CFAP97D2: variants seen among roughly 807,000 people sequenced by gnomAD.
CFAP97D2 encodes uncharacterized protein CFAP97D2.
chr13:114,215,540 C>G (rs1279182980), intron 4 of CFAP97D2: 1 of 152,122 alleles, frequency 6.6e-6, no homozygotes, highest in African/African-American at 2.4e-5. Context: ...TCTTGATTAC[C>G]TTTCAGTTTT....
In CFAP97D2 at chr13:114,203,391, C is replaced by T. The variant is rs1038133895; in HGVS notation, c.290+2948C>T. ...AATTTATACTCCAAAAACTACAAAC[C>T]GTCATCCACAAAAATTGAAGATCTA... On this transcript the variant is annotated intron_variant, in intron 3 of 4. Transcript: ENST00000646158. The surrounding 1 kb of genome is among the most constrained non-coding windows in gnomAD (Gnocchi z 4.3). Among the ~76,000 whole-genome samples, 3 of 152,108 alleles carry T rather than the reference C, an allele frequency of 2.0e-5. No homozygotes were observed. Among genetic ancestry groups the T allele is most frequent in the Admixed American group, 6.6e-5 (1 of 15,266 alleles).
At position 114,207,226 on chromosome 13, in the gene CFAP97D2, G is replaced by T. The variant is rs988861930; in HGVS notation, c.291-4686G>T. ...GTCCTCAGGGCTCGCAAACCAGAAA[G>T]TATCTAGACAGGTCTCAAACAATCT... is the stretch of plus-strand genomic sequence containing the variant. On this transcript the variant is annotated intron_variant, in intron 3 of 4. Transcript: ENST00000646158. This position sits in a 1 kb window ranked among gnomAD's most constrained non-coding sequence, Gnocchi z 4.9. 6.6e-6 allele frequency among the ~76,000 whole-genome samples: 1 copy of T among 152,204 alleles called. No individual in the cohort carries two copies. The highest frequency in any genetic ancestry group is 2.1e-4 in the South Asian group (1 of 4,822).
At chr13:114,214,221 C>T (rs1157877060) in intron 4 of CFAP97D2, 6 of 152,094 alleles carry the variant, frequency 3.9e-5, no homozygotes, top group East Asian at 1.9e-4. Flanking sequence ...GGTACAACAT[C>T]GTAAGCCCAG....
intron 2 of CFAP97D2, among the ~76,000 whole-genome samples, chr13:114,196,771 G>T (rs1333572186): frequency 6.6e-6 from 1 of 152,180 alleles, no homozygotes; most frequent in African/African-American, 2.4e-5. Flanking sequence ...CACAGCCCCA[G>T]GAAGTCCTTG....
intron 3 of CFAP97D2, 30 bp downstream of exon 3, chr13:114,200,473 G>A (rs780992721): frequency 3.1e-4 from 122 of 398,476 alleles, no homozygotes; most frequent in Non-Finnish European, 4.6e-4. Flanking sequence ...CATCCCACCC[G>A]GCTCAGCACC....
At chr13:114,210,815 G>A (rs1169712603) in intron 3 of CFAP97D2, among the ~76,000 whole-genome samples, 3 of 150,292 alleles carry the variant, frequency 2.0e-5, no homozygotes, top group Non-Finnish European at 4.4e-5. Flanking sequence ...TCCCTCTCAG[G>A]TCACTCCCAG....
chr13:114,200,867 C>A (rs573537527), intron 3 of CFAP97D2, among the ~76,000 whole-genome samples: 5 of 152,342 alleles, frequency 3.3e-5, no homozygotes, highest in African/African-American at 1.2e-4. Context: ...TGTACCCCAG[C>A]CCTGCTCATG....
At chr13:114,212,485 T>C (rs1594521660) in intron 4 of CFAP97D2, among the ~76,000 whole-genome samples, 1 of 151,262 alleles carries the variant, frequency 6.6e-6, no homozygotes, top group Admixed American at 6.6e-5. Flanking sequence ...GAGGCTGAGG[T>C]AGGAGCATCG....
At chr13:114,193,082 A>G (rs939538329) in intron 1 of CFAP97D2, among the ~76,000 whole-genome samples, 2 of 152,236 alleles carry the variant, frequency 1.3e-5, no homozygotes, top group African/African-American at 4.8e-5. Flanking sequence ...ATCTCTTACA[A>G]TTTCTAAATT....
intron 3 of CFAP97D2, among the ~76,000 whole-genome samples, chr13:114,208,097 T>C (rs2080949575): frequency 6.6e-6 from 1 of 152,188 alleles, no homozygotes; most frequent in African/African-American, 2.4e-5. Context: ...GCTTCACGAC[T>C]TCTAGCTGTG....
chr13:114,205,818 G>C (rs2080937369), intron 3 of CFAP97D2, among the ~76,000 whole-genome samples: 1 of 152,192 alleles, frequency 6.6e-6, no homozygotes, highest in East Asian at 1.9e-4. Context: ...AAGGCTCTAG[G>C]CTGATCCTCC....
At chr13:114,222,542 C>G (rs1312184149), downstream of CFAP97D2, 1 of 397,276 alleles carries the variant, frequency 2.5e-6, no homozygotes, top group Non-Finnish European at 4.4e-6. This position sits in a 1 kb window ranked among gnomAD's most constrained non-coding sequence, Gnocchi z 4.4. Flanking sequence ...AAGCCTGGAC[C>G]CTAAAAGAGA....
At chr13:114,180,982 G>A (rs2138744316) in intron 1 of CFAP97D2, among the ~76,000 whole-genome samples, 1 of 152,342 alleles carries the variant, frequency 6.6e-6, no homozygotes. Flanking sequence ...GAGGCCCCAG[G>A]GGGCATAAGC....
intron 4 of CFAP97D2, among the ~76,000 whole-genome samples, chr13:114,217,669 T>C (rs895398452): frequency 9.9e-5 from 15 of 152,200 alleles, no homozygotes; most frequent in African/African-American, 2.7e-4. Context: ...TCAAAAAGCT[T>C]ATCCACCATG....
chr13:114,179,341 C>A lies in CFAP97D2; in HGVS notation c.11C>A (p.Ala4Asp). The change falls in exon 1 of 5, where the codon GCC becomes GAC. Residue 4 changes from alanine to aspartate, a missense_variant. Ala to Asp is a moderately radical substitution (Grantham distance 126, BLOSUM62 -2). Coordinates refer to ENST00000646158, the Ensembl canonical transcript of CFAP97D2. The surrounding 1 kb of genome is among the most constrained non-coding windows in gnomAD (Gnocchi z 4.8). ...GATTTTGTTGCTGAGATGCACGGAG[C>A]CCCCCGGCTGACCTTTCCCTGTGCC... 2.5e-6 allele frequency: 1 copy of A among 398,642 alleles called. No individual in the cohort carries two copies. Among genetic ancestry groups the A allele is most frequent in the Non-Finnish European group, 4.4e-6 (1 of 226,112 alleles). 24.7% of individuals were successfully genotyped at this position (398,642 alleles called of 1,614,324 possible).
At chr13:114,182,411 C>G (rs1308992040) in intron 1 of CFAP97D2, among the ~76,000 whole-genome samples, 3 of 152,108 alleles carry the variant, frequency 2.0e-5, no homozygotes, top group East Asian at 3.9e-4. Flanking sequence ...CAGGGGCAGG[C>G]AGGAGACAGT....
At chr13:114,183,553 G>T (rs1281658828) in intron 1 of CFAP97D2, among the ~76,000 whole-genome samples, 1 of 152,128 alleles carries the variant, frequency 6.6e-6, no homozygotes. Flanking sequence ...AGCAGATTTG[G>T]TGTCTGATGA....
At chr13:114,191,193 A>G (rs2080868153) in intron 1 of CFAP97D2, among the ~76,000 whole-genome samples, 2 of 152,196 alleles carry the variant, frequency 1.3e-5, no homozygotes, top group African/African-American at 4.8e-5. Context: ...TTTTTAAATC[A>G]GCAAGCAGAG....
intron 4 of CFAP97D2, among the ~76,000 whole-genome samples, chr13:114,217,455 A>G (rs1163694084): frequency 6.6e-6 from 1 of 152,192 alleles, no homozygotes. Flanking sequence ...TGCAAGGAGG[A>G]GCTGATACCA....
Sources: gnomAD v4.1 joint callset for allele counts (sites outside exome capture counted in the v4.1 genomes callset) on GRCh38, gnomAD v4.1.1 for gene constraint, Gnocchi (gnomAD v3.1) non-coding constraint, MANE v1.5 for transcripts, NCBI Gene and HGNC (gene_info 2026-07-23, HGNC 2026-07-21) for gene names.